The following BBS9 variants were observed in gnomAD, a reference collection of about 807,000 sequenced individuals.
BBS9 encodes the protein Bardet-Biedl syndrome 9.
In BBS9, 89 loss-of-function variants were observed where a neutral mutation model predicts 117.7. The ratio of observed to expected loss-of-function variants is 0.76; its 90% CI spans 0.64 to 0.90. The LOEUF is 0.90. Ranked by LOEUF, BBS9 falls within the 40% of genes least tolerant of loss-of-function variation. BBS9 has a pLI of 0.00. For synonymous variants in BBS9, 379 were observed against 370.9 expected (o/e 1.02, Z -0.25); for missense variants, 982 against 1,042.2 (o/e 0.94, Z 0.80).
chr7:33,268,681 A>G (rs1232236881), intron 7 of BBS9, among the ~76,000 whole-genome samples: 1 of 152,008 alleles, frequency 6.6e-6, no homozygotes, highest in Non-Finnish European at 1.5e-5. Flanking sequence ...TCTGTGTTTT[A>G]TGAGACTCAT....
intron 21 of BBS9, among the ~76,000 whole-genome samples, chr7:33,545,995 G>A (rs987420939): frequency 1.5e-5 from 2 of 132,772 alleles, no homozygotes; most frequent in Non-Finnish European, 3.1e-5. Flanking sequence ...GTGCAGTAGC[G>A]TGATTTTGGC....
chr7:33,417,852 GAGAT>G (rs1832259491), intron 19 of BBS9, among the ~76,000 whole-genome samples: 1 of 152,190 alleles, frequency 6.6e-6, no homozygotes, highest in African/African-American at 2.4e-5. Flanking sequence ...GTAATGAGGA[GAGAT>G]AGAAACAACA....
At chr7:33,345,737 C>T (rs1584427206) in intron 12 of BBS9, among the ~76,000 whole-genome samples, 1 of 152,104 alleles carries the variant, frequency 6.6e-6, no homozygotes, top group East Asian at 1.9e-4. Context: ...TGTCGAGTTC[C>T]AGGAATGATT....
intron 1 of BBS9, among the ~76,000 whole-genome samples, chr7:33,143,160 G>C (rs541673797): frequency 1.3e-5 from 2 of 152,076 alleles, no homozygotes; most frequent in East Asian, 3.9e-4. Context: ...TAGTAGAGAC[G>C]GGGTATCACT....
At chr7:33,344,434 G>T in intron 11 of BBS9, 147 bp from the exon 12 acceptor site, 1 of 802,418 alleles carries the variant, frequency 1.2e-6, no homozygotes, top group Middle Eastern at 2.3e-4. Context: ...AAGCCAGATT[G>T]TCTCTTTTAG....
intron 12 of BBS9, chr7:33,346,235 A>T (rs760500986): frequency 2.1e-6 from 1 of 470,164 alleles, no homozygotes; most frequent in South Asian, 1.6e-5. Context: ...AGCAGCCAAG[A>T]TATACAACCA....
intron 21 of BBS9, among the ~76,000 whole-genome samples, chr7:33,542,802 C>T (rs1263585051): frequency 6.4e-5 from 3 of 47,122 alleles, no homozygotes; most frequent in African/African-American, 7.7e-5. Flanking sequence ...CACACACACA[C>T]ACACACACAC....
chr7:33,178,887 G>T (rs1797717956), intron 5 of BBS9, among the ~76,000 whole-genome samples: 1 of 152,026 alleles, frequency 6.6e-6, no homozygotes, highest in Non-Finnish European at 1.5e-5. Context: ...TAAATATTTT[G>T]CATAACTGAA....
chr7:33,383,949 T>A, intron 18 of BBS9, 111 bp downstream of exon 18: 1 of 1,160,702 alleles, frequency 8.6e-7, no homozygotes, highest in Non-Finnish European at 1.2e-6. Flanking sequence ...CTTCTAGTTG[T>A]TTTTCTTATG....
chr7:33,254,951 T>C (rs1015457127), intron 5 of BBS9, among the ~76,000 whole-genome samples: 1 of 152,218 alleles, frequency 6.6e-6, no homozygotes, highest in Non-Finnish European at 1.5e-5. Flanking sequence ...GCGATTTGTA[T>C]GTCTTATTTG....
chr7:33,142,144 A>G (rs565125760), intron 1 of BBS9, among the ~76,000 whole-genome samples: 1 of 151,914 alleles, frequency 6.6e-6, no homozygotes, highest in East Asian at 1.9e-4. Context: ...GATGGTTTTG[A>G]TCTCCTGACC....
At chr7:33,171,980 G>A (rs949680894) in intron 4 of BBS9, among the ~76,000 whole-genome samples, 2 of 150,454 alleles carry the variant, frequency 1.3e-5, no homozygotes, top group African/African-American at 4.9e-5. Flanking sequence ...ACTATATCTG[G>A]AGGATTCAAC....
intron 19 of BBS9, among the ~76,000 whole-genome samples, chr7:33,448,752 C>A (rs1837348651): frequency 6.6e-6 from 1 of 152,198 alleles, no homozygotes; most frequent in Admixed American, 6.5e-5. Context: ...ATCTGCAAAT[C>A]TAAATGTTCC....
intron 21 of BBS9, among the ~76,000 whole-genome samples, chr7:33,576,461 C>T (rs193191927): frequency 7.9e-5 from 12 of 152,174 alleles, no homozygotes; most frequent in Admixed American, 4.6e-4. Context: ...GAATCAATAT[C>T]GTGAAAATGG....
chr7:33,325,679 T>C (rs1221893033), intron 9 of BBS9, among the ~76,000 whole-genome samples: 1 of 152,176 alleles, frequency 6.6e-6, no homozygotes, highest in Non-Finnish European at 1.5e-5. Flanking sequence ...AGATTTTGGG[T>C]CACTGCAGCC....
intron 15 of BBS9, among the ~76,000 whole-genome samples, chr7:33,357,433 TG>T (rs952696224): frequency 6.6e-6 from 1 of 151,740 alleles, no homozygotes; most frequent in Non-Finnish European, 1.5e-5. Context: ...TTTTTAGATA[TG>T]GTAATATACA....
intron 21 of BBS9, among the ~76,000 whole-genome samples, chr7:33,547,620 AG>A (rs1366335383): frequency 4.6e-5 from 7 of 152,180 alleles, no homozygotes; most frequent in Admixed American, 2.6e-4. Context: ...ACAGAGCGAG[AG>A]GGGTAAATGG....
At chr7:33,207,205 T>G (rs972387695) in intron 5 of BBS9, among the ~76,000 whole-genome samples, 3 of 152,196 alleles carry the variant, frequency 2.0e-5, no homozygotes, top group Non-Finnish European at 4.4e-5. Context: ...AATGTAAATA[T>G]TTTGCTTTTC....
At chr7:33,594,462 C>A (rs1175710685) in intron 21 of BBS9, among the ~76,000 whole-genome samples, 1 of 151,998 alleles carries the variant, frequency 6.6e-6, no homozygotes, top group East Asian at 1.9e-4. Flanking sequence ...AAAGAAAAGT[C>A]ATGGGATGGA....
Sources: gnomAD v4.1 joint callset for allele counts (sites outside exome capture counted in the v4.1 genomes callset) on GRCh38, gnomAD v4.1.1 for gene constraint, MANE v1.5 for transcripts, NCBI Gene and HGNC (gene_info 2026-07-23, HGNC 2026-07-21) for gene names.